The following LTBP3 variants were observed in gnomAD, a reference collection of about 807,000 sequenced individuals.
The protein encoded by LTBP3 is latent-transforming growth factor beta-binding protein 3.
In LTBP3, 97 loss-of-function variants were observed where a neutral mutation model predicts 159.7. The ratio of observed to expected loss-of-function variants is 0.61; its 90% CI spans 0.52 to 0.72. The LOEUF (loss-of-function observed/expected upper bound fraction) is 0.72. Among genes scored for constraint, LTBP3 ranks in the 30% least tolerant of loss-of-function variants. LTBP3 has a pLI of 0.00. For missense variants in LTBP3, 1,584 were observed against 1,864.3 expected (o/e 0.85, Z 2.77); for synonymous variants, 824 against 777.1 (o/e 1.06, Z -1.00).
intron 8 of LTBP3, 200 bp downstream of exon 8, chr11:65,551,772 G>A: frequency 2.3e-6 from 2 of 886,826 alleles, no homozygotes; most frequent in Non-Finnish European, 3.6e-6. Flanking sequence ...TTACAGGTCA[G>A]GCTGTAGAAG....
In LTBP3 at chr11:65,558,017, G is replaced by T; in HGVS notation, c.-58C>A. 1.8e-6 allele frequency: 2 copies of T among 1,093,938 alleles called. No individual in the cohort carries two copies. Among genetic ancestry groups the T allele is most frequent in the Non-Finnish European group, 2.2e-6 (2 of 899,730 alleles). The allele number at this position is 1,093,938 out of a possible 1,614,324, so 67.8% of individuals were successfully genotyped here. The stretch of plus-strand genomic sequence containing the variant: ...CGCCCGGGCGGGGCGAGGGGCCCGC[G>T]CCCGAAGGGAGTAGAGGGCCGGGAG... On this transcript the variant is annotated 5_prime_UTR_variant, in exon 1 of 28. Transcript: ENST00000301873.
In LTBP3 at chr11:65,540,095, C is replaced by T. The variant is rs545225621; in HGVS notation, c.3303G>A (p.Pro1101=). ...GGCGACACTCGCAGCGGTAGGAGCC[C>T]GGCAGGTTGACGCAGCGGCCAGGGC... ...ACRPGRCVNL[P]GSYRCECRPP... The change falls in exon 24 of 28, where the codon CCG becomes CCA. Residue 1101 remains proline, a synonymous_variant. Coordinates refer to ENST00000301873, the MANE Select transcript of LTBP3 (RefSeq NM_001130144.3). The T allele has an allele frequency of 9.8e-6, 15 of 1,526,756 alleles. No individual in the cohort carries two copies. Among genetic ancestry groups the T allele is most frequent in the Middle Eastern group, 1.8e-4 (1 of 5,704 alleles). The allele number at this position is 1,526,756 out of a possible 1,614,324, so 94.6% of individuals were successfully genotyped here. A position where few individuals can be genotyped will look rare whatever the true frequency, so the allele number is the denominator to read the frequency against.
Position 65,557,922 on chromosome 11 carries a change from G to A in LTBP3, c.38C>T (p.Pro13Leu). The A allele has an allele frequency of 8.0e-7, 1 of 1,242,844 alleles. No homozygotes were observed. Among genetic ancestry groups the A allele is most frequent in the Non-Finnish European group, 1.0e-6 (1 of 984,346 alleles). 77.0% of individuals were successfully genotyped at this position (1,242,844 alleles called of 1,614,324 possible). ...CGCCGCCCCCGCCCCGCGCATCTCA[G>A]GGGCCAGGCCGCCAGCAGCCCCTCG... ...GPRGAAGGLA[P>L]EMRGAGAAGL... Residue 13 changes from proline (P) to leucine (L), a missense_variant, in exon 1 of 28, where the codon CCT becomes CTT. By Grantham distance (98) the Pro-to-Leu change is moderately conservative. This residue lies in a region of LTBP3 where 79 missense variants were observed against 64.7 expected (regional missense o/e 1.22). Transcript: ENST00000301873.
In LTBP3 at chr11:65,539,340, C is replaced by G. The variant is rs1382015699; in HGVS notation, c.3748G>C (p.Ala1250Pro). ...PGGFQLDASR[A>P]RCVDIDECRE... is the part of the protein sequence containing the mutation. ...AAGCCCGGCTCACCCACGCAGCGGGCGCGGGAGGCGTCGAGCTGGAAGCCG... is the reference window on the plus strand; with the variant it reads ...AAGCCCGGCTCACCCACGCAGCGGGGGCGGGAGGCGTCGAGCTGGAAGCCG... The change falls in exon 27 of 28, where the codon GCC becomes CCC. Residue 1250 changes from alanine to proline, a missense_variant. Coordinates refer to ENST00000301873, the MANE Select transcript of LTBP3 (RefSeq NM_001130144.3). 3 of 1,521,164 alleles carry G rather than the reference C, an allele frequency of 2.0e-6. No individual in the cohort carries two copies. The highest frequency in any genetic ancestry group is 1.7e-4 in the Middle Eastern group (1 of 5,850). The allele number at this position is 1,521,164 out of a possible 1,614,324, so 94.2% of individuals were successfully genotyped here.
Position 65,552,995 on chromosome 11 carries a change from G to A in LTBP3, c.1064-13C>T. On this transcript the variant is annotated splice_polypyrimidine_tract_variant and intron_variant, in intron 5 of 27. Transcript: ENST00000301873. The surrounding 1 kb of genome is among the most constrained non-coding windows in gnomAD (Gnocchi z 6.0). ...CACTCGTTGATGTCTGTGGTAAGTGGAAGTTTGGCCCCTCTGGTCTGGGGC... is the reference window on the plus strand; with the variant it reads ...CACTCGTTGATGTCTGTGGTAAGTGAAAGTTTGGCCCCTCTGGTCTGGGGC... 1 of 1,614,170 alleles carries A rather than the reference G, an allele frequency of 6.2e-7. No homozygotes were observed. Among genetic ancestry groups the A allele is most frequent in the African/African-American group, 1.3e-5 (1 of 75,042 alleles).
In LTBP3 at chr11:65,546,805, G is replaced by C. The variant is rs760181021; in HGVS notation, c.2223C>G (p.Ala741=). 30 of 1,601,676 alleles carry C rather than the reference G, an allele frequency of 1.9e-5. No homozygotes were observed. The highest frequency in any genetic ancestry group is 2.5e-5 in the Non-Finnish European group (30 of 1,178,202). Residue 741 remains alanine (A), a synonymous_variant, in exon 15 of 28, where the codon GCC becomes GCG. Coordinates refer to ENST00000301873, the MANE Select transcript of LTBP3 (RefSeq NM_001130144.3). This position sits in a 1 kb window ranked among gnomAD's most constrained non-coding sequence, Gnocchi z 4.0. ...QPGYRSQGGG[A]CRDVNECAEG... The stretch of plus-strand genomic sequence containing the variant: ...TCCGGGCCCCGCCCTCACCGCGACA[G>C]GCCCCGCCCCCCTGGCTGCGGTAGC...
In LTBP3 at chr11:65,539,571, A is replaced by C. The variant is rs1855967091; in HGVS notation, c.3605T>G (p.Leu1202Arg). The C allele has an allele frequency of 1.9e-6, 3 of 1,612,684 alleles. No homozygotes were observed. The highest frequency in any genetic ancestry group is 2.2e-5 in the East Asian group (1 of 44,828). Residue 1202 changes from leucine to arginine, a missense_variant, in exon 26 of 28, where the codon CTG (leucine) becomes CGG (arginine). This residue lies in a region of LTBP3 where 514 missense variants were observed against 530.3 expected (regional missense o/e 0.97). Transcript: ENST00000301873. ...ESNSFWDTSPLLLGKPPRDED... is the reference protein window; with the variant it reads ...ESNSFWDTSPRLLGKPPRDED... ...ACCTCTTGGGGGCTTCCCCAACAGC[A>C]GGGGGCTTGTGTCCCAGAAGGAATT...
Position 65,538,649 on chromosome 11 carries a change from C to A in LTBP3, c.*431G>T. ...TACAAACCATGTGAGCCCGGCCGGC[C>A]CAGCCAGGCCATCTCACGTGTACAT... is the stretch of plus-strand genomic sequence containing the variant. On this transcript the variant is annotated 3_prime_UTR_variant, in exon 28 of 28. Transcript: ENST00000301873. 2 of 1,452,810 alleles carry A rather than the reference C, an allele frequency of 1.4e-6. No homozygotes were observed. The highest frequency in any genetic ancestry group is 2.4e-5 in the East Asian group (1 of 41,638). 90.0% of individuals were successfully genotyped at this position (1,452,810 alleles called of 1,614,324 possible). A position where few individuals can be genotyped will look rare whatever the true frequency, so the allele number is the denominator to read the frequency against.
At chr11:65,540,181 G>T in intron 23 of LTBP3, 28 bp from the exon 24 acceptor site, 10 of 1,538,282 alleles carry the variant, frequency 6.5e-6, no homozygotes, top group Non-Finnish European at 8.7e-6. Flanking sequence ...GTGGGTGGGG[G>T]CCGTCACAGC....
chr11:65,541,805 T>G (rs1212947331), intron 18 of LTBP3, 77 bp from the exon 19 acceptor site: 1 of 1,555,086 alleles, frequency 6.4e-7, no homozygotes, highest in African/African-American at 1.4e-5. Context: ...CTCACACAAG[T>G]TCAGAACCTG....
rs527342578 is a variant in LTBP3, at chr11:65,554,754, T to C, written c.332-374A>G. Among the ~76,000 whole-genome samples the C allele has an allele frequency of 1.3e-5, 2 of 152,204 alleles. No individual in the cohort carries two copies. Among genetic ancestry groups the C allele is most frequent in the African/African-American group, 2.4e-5 (1 of 41,508 alleles). ...CTTAATAAGTGGTAGCAAATAATTA[T>C]GGTGATCTGGCTTTCCCCTTGAGCC... On this transcript the variant is annotated intron_variant, in intron 1 of 27. Transcript: ENST00000301873. This position sits in a 1 kb window ranked among gnomAD's most constrained non-coding sequence, Gnocchi z 5.3.
chr11:65,543,220 A>G lies in LTBP3; in HGVS notation c.2481T>C (p.Ile827=). 1 of 1,614,040 alleles carries G rather than the reference A, an allele frequency of 6.2e-7. No individual in the cohort carries two copies. The part of the protein sequence containing the change: ...LSRDRSHCED[I]DECDFPAACI... ...AGGCTGCAGGGAAGTCACACTCATC[A>G]ATGTCTGTAGGGGATGGAAGGGGTG... Residue 827 remains isoleucine, a synonymous_variant, in exon 18 of 28, where the codon ATT becomes ATC. Coordinates refer to ENST00000301873, the MANE Select transcript of LTBP3 (RefSeq NM_001130144.3).
At chr11:65,551,275 C>T (rs759898952) in intron 10 of LTBP3, 51 bp from the exon 11 acceptor site, 24 of 1,524,828 alleles carry the variant, frequency 1.6e-5, no homozygotes, top group Non-Finnish European at 2.0e-5. Context: ...TGAAGCCTCC[C>T]TTTCCACTTC....
intron 19 of LTBP3, 38 bp downstream of exon 19, chr11:65,541,562 G>A (rs1350553264): frequency 1.1e-5 from 17 of 1,613,764 alleles, no homozygotes; most frequent in Admixed American, 1.7e-5. Context: ...GCTCAGGGGA[G>A]TTGTCCAGTC....
Position 65,538,769 on chromosome 11 carries a change from C to A in LTBP3, c.*311G>T, listed in dbSNP as rs765610671. 437 of 862,050 alleles carry A rather than the reference C, an allele frequency of 5.1e-4. No homozygotes were observed. The highest frequency in any genetic ancestry group is 7.0e-4 in the Non-Finnish European group (409 of 582,610). 53.4% of individuals were successfully genotyped at this position (862,050 alleles called of 1,614,324 possible). ...TGGGGTCTGGCGCCGCCCTGCGCAG[C>A]CCGCGCCCACGTCAGACGTGAACAT... On this transcript the variant is annotated 3_prime_UTR_variant, in exon 28 of 28. Coordinates refer to ENST00000301873, the MANE Select transcript of LTBP3 (RefSeq NM_001130144.3).
Position 65,546,346 on chromosome 11 carries a change from C to T in LTBP3, c.2353+96G>A. 1 of 1,378,054 alleles carries T rather than the reference C, an allele frequency of 7.3e-7. No homozygotes were observed. Among genetic ancestry groups the T allele is most frequent in the Non-Finnish European group, 9.5e-7 (1 of 1,050,132 alleles). The allele number at this position is 1,378,054 out of a possible 1,614,324, so 85.4% of individuals were successfully genotyped here. A position where few individuals can be genotyped will look rare whatever the true frequency, so the allele number is the denominator to read the frequency against. On this transcript the variant is annotated intron_variant, in intron 16 of 27. Transcript: ENST00000301873. The surrounding 1 kb of genome is among the most constrained non-coding windows in gnomAD (Gnocchi z 4.0). ...CAGAGTCACCTGGGGATGAATGAGC[C>T]ACCTTCCACCCACTGTTTACAGACA...
In LTBP3 at chr11:65,546,723, C is replaced by T; in HGVS notation, c.2230+75G>A. 1 of 1,514,080 alleles carries T rather than the reference C, an allele frequency of 6.6e-7. No homozygotes were observed. Among genetic ancestry groups the T allele is most frequent in the South Asian group, 1.2e-5 (1 of 85,660 alleles). 93.8% of individuals were successfully genotyped at this position (1,514,080 alleles called of 1,614,324 possible). ...GACGCCAATCACCACCGCTACCCCG[C>T]CCCGCCCCCAGCGGAGCCAGACTGG... On this transcript the variant is annotated intron_variant, in intron 15 of 27. Transcript: ENST00000301873. The surrounding 1 kb of genome is among the most constrained non-coding windows in gnomAD (Gnocchi z 4.0).
rs1325394664 is a variant in LTBP3 at position 65,553,763 on chromosome 11, G to A, written c.802C>T (p.Pro268Ser). ...AGGGGCTTCTGGGTGGGCGGCCGGG[G>A]GTGCGAGGGCTTGGGGTGCGGCAGC... ...HLLPHPKPSHPRPPTQKPLGR... is the reference protein window; with the variant it reads ...HLLPHPKPSHSRPPTQKPLGR... The change falls in exon 3 of 28, where the codon CCC becomes TCC. Residue 268 changes from proline (P) to serine (S), a missense_variant. By Grantham distance (74) the Pro-to-Ser change is moderately conservative. Coordinates refer to ENST00000301873, the MANE Select transcript of LTBP3 (RefSeq NM_001130144.3). This position sits in a 1 kb window ranked among gnomAD's most constrained non-coding sequence, Gnocchi z 6.5. 6.4e-7 allele frequency: 1 copy of A among 1,573,716 alleles called. No homozygotes were observed. Among genetic ancestry groups the A allele is most frequent in the Non-Finnish European group, 8.6e-7 (1 of 1,167,650 alleles).
In LTBP3 at chr11:65,547,004, C is replaced by A; in HGVS notation, c.2108-84G>T. The A allele has an allele frequency of 1.3e-6, 2 of 1,580,404 alleles. No homozygotes were observed. The highest frequency in any genetic ancestry group is 1.7e-6 in the Non-Finnish European group (2 of 1,162,868). ...CCAGCGTCCACAGCAGGGACTTCCT[C>A]CCACACAGATCAACGAGGCTCCCGG... On this transcript the variant is annotated intron_variant, in intron 14 of 27. Coordinates refer to ENST00000301873, the MANE Select transcript of LTBP3 (RefSeq NM_001130144.3). This position sits in a 1 kb window ranked among gnomAD's most constrained non-coding sequence, Gnocchi z 4.6.
Sources: gnomAD v4.1 joint callset for allele counts (sites outside exome capture counted in the v4.1 genomes callset) on GRCh38, gnomAD v4.1.1 for gene constraint, gnomAD v4.1.1 regional missense constraint, Gnocchi (gnomAD v3.1) non-coding constraint, MANE v1.5 for transcripts, NCBI Gene and HGNC (gene_info 2026-07-23, HGNC 2026-07-21) for gene names.